ZNF775: variants seen among roughly 807,000 people sequenced by gnomAD.
ZNF775 encodes zinc finger protein 775.
ZNF775 carries 1 observed loss-of-function variant against 2.4 expected under a neutral mutation model. The ratio of observed to expected loss-of-function variants is 0.41; its 90% CI spans 0.15 to 1.94. ZNF775 has a LOEUF of 1.94. Among genes scored for constraint, ZNF775 ranks in the 30% most tolerant of loss-of-function variants. The pLI is 0.30. For synonymous variants in ZNF775, 381 were observed against 373.3 expected, an observed-to-expected ratio of 1.02 and a Z score of -0.24; for missense variants, 823 against 826.6, an observed-to-expected ratio of 1.00 and a Z score of 0.05.
intron 2 of ZNF775, among the ~76,000 whole-genome samples, chr7:150,396,173 G>A: frequency 6.6e-6 from 1 of 152,160 alleles, no homozygotes; most frequent in East Asian, 1.9e-4. Context: ...CTCGGCCTCA[G>A]GGTGGAGAAG....
intron 2 of ZNF775, among the ~76,000 whole-genome samples, chr7:150,395,918 A>C (rs1378111156): frequency 6.6e-6 from 1 of 152,000 alleles, no homozygotes. Flanking sequence ...CAGCAGGTGA[A>C]GTGCTCCCCC....
chr7:150,395,757 G>A (rs1487461559), intron 2 of ZNF775, among the ~76,000 whole-genome samples: 1 of 152,244 alleles, frequency 6.6e-6, no homozygotes, highest in Admixed American at 6.5e-5. Flanking sequence ...TGTGGGCTGG[G>A]AGCAGTGGGT....
At chr7:150,395,792 A>G (rs1459876735) in intron 2 of ZNF775, among the ~76,000 whole-genome samples, 2 of 152,186 alleles carry the variant, frequency 1.3e-5, no homozygotes. Context: ...AGTAAAGTGG[A>G]TTGGATTTAA....
chr7:150,389,579 T>G (rs1800520331), intron 2 of ZNF775, among the ~76,000 whole-genome samples: 1 of 152,206 alleles, frequency 6.6e-6, no homozygotes, highest in Non-Finnish European at 1.5e-5. Flanking sequence ...TAGAAGGCCC[T>G]TTCCCCAGAT....
chr7:150,395,404 C>T (rs1054446565), intron 2 of ZNF775, among the ~76,000 whole-genome samples: 9 of 151,944 alleles, frequency 5.9e-5, no homozygotes, highest in Non-Finnish European at 1.5e-5. Context: ...TGTTTTATTC[C>T]ACCTACTTTT....
chr7:150,385,252 AG>A (rs1800429781), intron 1 of ZNF775, among the ~76,000 whole-genome samples: 1 of 152,246 alleles, frequency 6.6e-6, no homozygotes, highest in Non-Finnish European at 1.5e-5. Context: ...GCATGCGTAC[AG>A]GCCCCTGTTG....
At position 150,398,220 on chromosome 7, in the gene ZNF775, G is replaced by T. The variant is rs1800720835; in HGVS notation, c.*125G>T. On this transcript the variant is annotated 3_prime_UTR_variant, in exon 3 of 3. Transcript: ENST00000329630. ...AGAGCGGGACCGGTGGATTCCTTAA[G>T]GCTCTGAAGGGCTGAGAACAGTTCT... is the stretch of plus-strand genomic sequence containing the variant. 3.6e-6 allele frequency: 5 copies of T among 1,394,366 alleles called. No individual in the cohort carries two copies. Among genetic ancestry groups the T allele is most frequent in the Non-Finnish European group, 4.8e-6 (5 of 1,052,440 alleles). The allele number at this position is 1,394,366 out of a possible 1,614,324, so 86.4% of individuals were successfully genotyped here.
In ZNF775 at chr7:150,397,939, G is replaced by A; in HGVS notation, c.1458G>A (p.Lys486=). 1 of 1,601,812 alleles carries A rather than the reference G, an allele frequency of 6.2e-7. No homozygotes were observed. Among genetic ancestry groups the A allele is most frequent in the East Asian group, 2.2e-5 (1 of 44,770 alleles). The change falls in exon 3 of 3, where the codon AAG becomes AAA. Residue 486 remains lysine, a synonymous_variant. Transcript: ENST00000329630. ...AGTGCGGCCGCCGCTTCAGCCAGAAGCCCAACCTGACGCGGCACCGGCGCA... is the reference window on the plus strand; with the variant it reads ...AGTGCGGCCGCCGCTTCAGCCAGAAACCCAACCTGACGCGGCACCGGCGCA... ...CPECGRRFSQ[K]PNLTRHRRNH...
intron 2 of ZNF775, among the ~76,000 whole-genome samples, chr7:150,394,363 C>T (rs116585854): frequency 0.019 from 2,949 of 152,216 alleles, 91 homozygotes; most frequent in African/African-American, 0.067. Flanking sequence ...TCAGTGGATT[C>T]CCTTGCACAT....
At chr7:150,383,316 C>T (rs931820734) in intron 1 of ZNF775, among the ~76,000 whole-genome samples, 5 of 152,208 alleles carry the variant, frequency 3.3e-5, no homozygotes, top group African/African-American at 1.2e-4. Context: ...GGAGCCACCT[C>T]TTGGGTCCTC....
chr7:150,383,239 A>T (rs1800393317), intron 1 of ZNF775, among the ~76,000 whole-genome samples: 1 of 152,218 alleles, frequency 6.6e-6, no homozygotes, highest in Non-Finnish European at 1.5e-5. Flanking sequence ...AACTGAAATC[A>T]GAGGCAGAGA....
In ZNF775 at chr7:150,397,693, G is replaced by A. The variant is rs1400315835; in HGVS notation, c.1212G>A (p.Pro404=). ...CGGCCGGGGAACCGGGCGACCAGCC[G>A]CAGGCCGAGGCCATCCCGGGCTTGG... The part of the protein sequence containing the change: ...AVPAGEPGDQ[P]QAEAIPGLAA... Residue 404 remains proline (P), a synonymous_variant, in exon 3 of 3, where the codon CCG becomes CCA. Transcript: ENST00000329630. 4.4e-6 allele frequency: 6 copies of A among 1,362,634 alleles called. No individual in the cohort carries two copies. Among genetic ancestry groups the A allele is most frequent in the Non-Finnish European group, 5.6e-6 (6 of 1,065,936 alleles). 84.4% of individuals were successfully genotyped at this position (1,362,634 alleles called of 1,614,324 possible).
At chr7:150,379,645 G>T (rs1216218395) in intron 1 of ZNF775, among the ~76,000 whole-genome samples, 2 of 152,212 alleles carry the variant, frequency 1.3e-5, no homozygotes, top group Non-Finnish European at 2.9e-5. Context: ...TGGGGAGGGC[G>T]CCAGGCCAGG....
At chr7:150,386,687 C>T (rs562650234) in intron 1 of ZNF775, among the ~76,000 whole-genome samples, 2 of 152,298 alleles carry the variant, frequency 1.3e-5, no homozygotes, top group African/African-American at 4.8e-5. Context: ...TGTGGGGCAG[C>T]CACATCTTTG....
In ZNF775 at chr7:150,398,002, C is replaced by T. The variant is rs1563261610; in HGVS notation, c.1521C>T (p.Cys507=). 1.3e-6 allele frequency: 2 copies of T among 1,588,034 alleles called. No homozygotes were observed. Among genetic ancestry groups the T allele is most frequent in the Admixed American group, 3.4e-5 (2 of 57,980 alleles). ...TGERPYLCPA[C]GRGFSQKQHL... is the part of the protein sequence containing the mutation. ...AGCGGCCCTACCTGTGTCCCGCCTG[C>T]GGCCGCGGCTTCAGCCAGAAGCAGC... is the stretch of plus-strand genomic sequence containing the variant. The change falls in exon 3 of 3, where the codon TGC becomes TGT. Residue 507 remains cysteine, a synonymous_variant. Coordinates refer to ENST00000329630, the MANE Select transcript of ZNF775 (RefSeq NM_173680.4).
At chr7:150,381,726 G>A (rs527560221) in intron 1 of ZNF775, among the ~76,000 whole-genome samples, 3 of 152,246 alleles carry the variant, frequency 2.0e-5, no homozygotes, top group Admixed American at 6.5e-5. Context: ...GCCTCTCAGC[G>A]GCTTTTTCCA....
chr7:150,398,043 A>G lies in ZNF775; in HGVS notation c.1562A>G (p.Gln521Arg). Residue 521 changes from glutamine to arginine, a missense_variant, in exon 3 of 3, where the codon CAG becomes CGG. Physicochemically the swap from Gln to Arg is conservative, Grantham distance 43. Coordinates refer to ENST00000329630, the MANE Select transcript of ZNF775 (RefSeq NM_173680.4). Reference sequence around the variant, plus strand: ...CAGAAGCAGCACCTGCTCAAGCACCAGCGCGTGCACCGCGCGGCCCCTGCG... The same window carrying G: ...CAGAAGCAGCACCTGCTCAAGCACCGGCGCGTGCACCGCGCGGCCCCTGCG... Reference protein sequence around the residue: ...FSQKQHLLKHQRVHRAAPACS... With the variant: ...FSQKQHLLKHRRVHRAAPACS... 6.4e-7 allele frequency: 1 copy of G among 1,573,494 alleles called. No individual in the cohort carries two copies. Among genetic ancestry groups the G allele is most frequent in the East Asian group, 2.3e-5 (1 of 43,314 alleles).
intron 1 of ZNF775, among the ~76,000 whole-genome samples, chr7:150,381,928 G>A (rs1800370222): frequency 6.6e-6 from 1 of 150,556 alleles, no homozygotes; most frequent in South Asian, 2.1e-4. Flanking sequence ...TGGGATCCGG[G>A]AAGTTGGAGA....
Position 150,398,252 on chromosome 7 carries a change from G to A in ZNF775, c.*157G>A, listed in dbSNP as rs1800721413. 3 of 1,210,934 alleles carry A rather than the reference G, an allele frequency of 2.5e-6. No individual in the cohort carries two copies. Among genetic ancestry groups the A allele is most frequent in the Non-Finnish European group, 1.1e-6 (1 of 902,956 alleles). The allele number at this position is 1,210,934 out of a possible 1,614,324, so 75.0% of individuals were successfully genotyped here. On this transcript the variant is annotated 3_prime_UTR_variant, in exon 3 of 3. Transcript: ENST00000329630. Reference sequence around the variant, plus strand: ...AAGGGCTGAGAACAGTTCTAGAAGCGTCCCAAAGGGTGCTGGGAAAGGTCC... The same window carrying A: ...AAGGGCTGAGAACAGTTCTAGAAGCATCCCAAAGGGTGCTGGGAAAGGTCC...
Sources: allele counts gnomAD v4.1 joint callset (sites outside exome capture counted in the v4.1 genomes callset), GRCh38; gene constraint gnomAD v4.1.1; transcripts MANE v1.5; gene names NCBI Gene and HGNC (gene_info 2026-07-23, HGNC 2026-07-21).